Variants in PTPRD observed in about 807,000 individuals in gnomAD.
PTPRD encodes receptor-type tyrosine-protein phosphatase delta.
Under a neutral mutation model 214.5 loss-of-function variants are expected in PTPRD, and 34 were observed. The ratio of observed to expected loss-of-function variants is 0.16; its 90% confidence interval spans 0.12 to 0.21. The LOEUF (loss-of-function observed/expected upper bound fraction) is 0.21. Among genes scored for constraint, PTPRD ranks in the 10% least tolerant of loss-of-function variants. The pLI, the probability that PTPRD is intolerant of heterozygous loss-of-function variation, is 1.00. For synonymous variants in PTPRD, 1,128 were observed against 845.7 expected (o/e 1.33, Z -5.79); for missense variants, 2,545 against 2,398.7 (o/e 1.06, Z -1.27).
At position 9,781,795 on chromosome 9, in the gene PTPRD, A is replaced by ATTTTT. The variant is rs142718064; in HGVS notation, c.-367-14945_-367-14944insAAAAA. Among the ~76,000 whole-genome samples, 5 of 147,282 alleles carry ATTTTT rather than the reference A, an allele frequency of 3.4e-5. 1 individual carries two copies. The highest frequency in any genetic ancestry group is 7.6e-5 in the African/African-American group (3 of 39,466). ...TGACTAACATTTTTTGTCTGGACTC[A>ATTTTT]TATTTTTTTTTTTTTTAGACGGAGT... On this transcript the variant is annotated intron_variant, in intron 5 of 45. Transcript: ENST00000381196.
intron 11 of PTPRD, among the ~76,000 whole-genome samples, chr9:8,961,583 T>C (rs188118625): frequency 6.6e-6 from 1 of 152,252 alleles, no homozygotes; most frequent in African/African-American, 2.4e-5. Flanking sequence ...GCAGTTCTTC[T>C]GCATCAAGGT....
chr9:8,543,226 T>C (rs561802770), intron 14 of PTPRD, among the ~76,000 whole-genome samples: 4 of 152,238 alleles, frequency 2.6e-5, no homozygotes, highest in Non-Finnish European at 5.9e-5. Context: ...TTCGTTTAGT[T>C]GTAATAGACT....
At chr9:8,874,826 G>C (rs1043737591) in intron 11 of PTPRD, among the ~76,000 whole-genome samples, 3 of 152,198 alleles carry the variant, frequency 2.0e-5, no homozygotes, top group Non-Finnish European at 2.9e-5. Context: ...TGCGGAGCCT[G>C]GCTCCTAGGA....
At chr9:9,237,611 G>A (rs2099967655) in intron 9 of PTPRD, among the ~76,000 whole-genome samples, 1 of 152,108 alleles carries the variant, frequency 6.6e-6, no homozygotes, top group Admixed American at 6.6e-5. Context: ...TTTGTTGGTT[G>A]AAATCTGACA....
rs115527883 is a variant in PTPRD, at chr9:8,899,244, C to G, written c.-104+119453G>C. Among the ~76,000 whole-genome samples the G allele has an allele frequency of 1.5e-3, 230 of 152,330 alleles. 1 individual carries two copies. Among genetic ancestry groups the G allele is most frequent in the African/African-American group, 5.2e-3 (217 of 41,584 alleles). ...TCATTTCTGAACCTGGGTCCCTCAA[C>G]TGGCATTTCTCCTTTGACTTACAAC... On this transcript the variant is annotated intron_variant, in intron 11 of 45. Transcript: ENST00000381196.
rs117090893 is a variant in PTPRD, at chr9:8,385,771, C to T, written c.4386+3461G>A. Reference sequence around the variant, plus strand: ...CCGGAATGTTCTATTTTGGTCTGTTCCCCGGCTGATCTCTATTCTGGAGAT... The same window carrying T: ...CCGGAATGTTCTATTTTGGTCTGTTTCCCGGCTGATCTCTATTCTGGAGAT... On this transcript the variant is annotated intron_variant, in intron 37 of 45. Coordinates refer to ENST00000381196, the MANE Select transcript of PTPRD (RefSeq NM_002839.4). 1.2e-4 allele frequency among the ~76,000 whole-genome samples: 19 copies of T among 152,150 alleles called. No homozygotes were observed. In the East Asian group the frequency reaches 3.5e-3, roughly 28 times the overall value.
chr9:10,540,191 G>A (rs996285147), intron 2 of PTPRD, among the ~76,000 whole-genome samples: 4 of 151,988 alleles, frequency 2.6e-5, no homozygotes, highest in Admixed American at 2.0e-4. Context: ...CACTATGCCC[G>A]GCTAATTTGT....
intron 7 of PTPRD, among the ~76,000 whole-genome samples, chr9:9,651,854 T>TTA (rs2096366265): frequency 7.2e-6 from 1 of 138,564 alleles, no homozygotes; most frequent in Non-Finnish European, 1.5e-5. Context: ...TTTTTTTTTT[T>TTA]AATGGAGTCT....
At chr9:9,603,981 A>G (rs1198116144) in intron 7 of PTPRD, among the ~76,000 whole-genome samples, 1 of 152,112 alleles carries the variant, frequency 6.6e-6, no homozygotes, top group Non-Finnish European at 1.5e-5. Flanking sequence ...AATACAACTC[A>G]TTAAAATTTT....
At chr9:8,432,411 A>G (rs888726510) in intron 35 of PTPRD, among the ~76,000 whole-genome samples, 2 of 152,226 alleles carry the variant, frequency 1.3e-5, no homozygotes, top group African/African-American at 4.8e-5. Context: ...ATAGGATCTA[A>G]TAATACTGTG....
chr9:9,064,547 G>A (rs942359696), intron 10 of PTPRD, among the ~76,000 whole-genome samples: 1 of 152,120 alleles, frequency 6.6e-6, no homozygotes, highest in African/African-American at 2.4e-5. Context: ...CTTTCTGTGT[G>A]ACACTGATGA....
intron 8 of PTPRD, among the ~76,000 whole-genome samples, chr9:9,573,022 C>T (rs889748018): frequency 6.6e-6 from 1 of 151,574 alleles, no homozygotes; most frequent in African/African-American, 2.4e-5. Flanking sequence ...AAAATACATA[C>T]ATGTGTTCTC....
At position 10,160,494 on chromosome 9, in the gene PTPRD, T is replaced by C. The variant is rs543282532; in HGVS notation, c.-544-126704A>G. 4.3e-4 allele frequency among the ~76,000 whole-genome samples: 65 copies of C among 152,060 alleles called. 1 individual carries two copies. The highest frequency in any genetic ancestry group is 1.5e-3 in the African/African-American group (64 of 41,564). On this transcript the variant is annotated intron_variant, in intron 3 of 45. Coordinates refer to ENST00000381196, the MANE Select transcript of PTPRD (RefSeq NM_002839.4). ...AACAAAAACCATATGGTTATTTTAA[T>C]AGATACCAAAAAAGCATTCAATACA...
chr9:10,508,883 T>C (rs897958775), intron 2 of PTPRD, among the ~76,000 whole-genome samples: 1 of 152,094 alleles, frequency 6.6e-6, no homozygotes, highest in African/African-American at 2.4e-5. Flanking sequence ...ACATGGTACA[T>C]GTATACATAT....
chr9:8,696,576 G>C (rs56367101), intron 12 of PTPRD, among the ~76,000 whole-genome samples: 2,662 of 152,262 alleles, frequency 0.017, 41 homozygotes, highest in East Asian at 0.063. Flanking sequence ...CATCACAGAA[G>C]AGGGGGCAGG....
chr9:9,930,943 C>T (rs954477701), intron 5 of PTPRD, among the ~76,000 whole-genome samples: 3 of 151,740 alleles, frequency 2.0e-5, no homozygotes, highest in East Asian at 1.9e-4. Flanking sequence ...ATGACTCTCC[C>T]GAATTCATAA....
At chr9:9,070,066 G>A (rs1037815650) in intron 10 of PTPRD, among the ~76,000 whole-genome samples, 7 of 152,172 alleles carry the variant, frequency 4.6e-5, no homozygotes, top group African/African-American at 1.7e-4. Context: ...TGAGGAATCA[G>A]TCATGTATTT....
intron 11 of PTPRD, among the ~76,000 whole-genome samples, chr9:8,961,209 G>A (rs566376616): frequency 2.0e-5 from 3 of 152,184 alleles, no homozygotes; most frequent in African/African-American, 7.2e-5. Flanking sequence ...ATTTATGACT[G>A]CGAGCTTTCC....
At position 8,926,706 on chromosome 9, in the gene PTPRD, C is replaced by T. The variant is rs115067198; in HGVS notation, c.-104+91991G>A. Among the ~76,000 whole-genome samples the T allele has an allele frequency of 5.2e-3, 792 of 152,308 alleles. 7 individuals are homozygous for T. Among genetic ancestry groups the T allele is most frequent in the African/African-American group, 0.018 (764 of 41,574 alleles). On this transcript the variant is annotated intron_variant, in intron 11 of 45. Coordinates refer to ENST00000381196, the MANE Select transcript of PTPRD (RefSeq NM_002839.4). ...AGGATTTGTATTTCTTCCTTGCTCA[C>T]ATTAAATATTTTTATGTATATAACT...
Sources: allele counts gnomAD v4.1 joint callset (sites outside exome capture counted in the v4.1 genomes callset), GRCh38; gene constraint gnomAD v4.1.1; transcripts MANE v1.5; gene names NCBI Gene and HGNC (gene_info 2026-07-23, HGNC 2026-07-21).